ABCA13: variants seen among roughly 807,000 people sequenced by gnomAD.
The protein encoded by ABCA13 is ATP-binding cassette sub-family A member 13.
A neutral mutation model predicts 478.7 loss-of-function variants in ABCA13; 476 were observed. That is an observed-to-expected ratio of 0.99 (90% CI 0.92 to 1.07). The LOEUF is 1.07. Ranked by LOEUF, ABCA13 falls within the 50% of genes least tolerant of loss-of-function variation. The pLI, the probability that ABCA13 is intolerant of heterozygous loss-of-function variation, is 0.00. For missense variants in ABCA13, 6,060 were observed against 5,910.6 expected, an observed-to-expected ratio of 1.03 and a Z score of -0.83; for synonymous variants, 2,252 against 2,158.9, an observed-to-expected ratio of 1.04 and a Z score of -1.20.
intron 27 of ABCA13, among the ~76,000 whole-genome samples, chr7:48,322,313 G>A (rs891049126): frequency 6.6e-6 from 1 of 152,156 alleles, no homozygotes; most frequent in Non-Finnish European, 1.5e-5. Flanking sequence ...TGCTCAAGAT[G>A]GCAAAGTTTT....
chr7:48,353,767 C>T (rs1457358215), intron 31 of ABCA13, among the ~76,000 whole-genome samples: 1 of 151,910 alleles, frequency 6.6e-6, no homozygotes, highest in Non-Finnish European at 1.5e-5. Flanking sequence ...CTGAAGACCA[C>T]CTGATTGAAC....
At chr7:48,304,830 C>A (rs1800669387) in intron 23 of ABCA13, among the ~76,000 whole-genome samples, 1 of 152,222 alleles carries the variant, frequency 6.6e-6, no homozygotes, top group African/African-American at 2.4e-5. Context: ...GGCAAGGACA[C>A]CATTGGCACT....
At chr7:48,603,080 G>T (rs997001761) in intron 58 of ABCA13, among the ~76,000 whole-genome samples, 1 of 152,108 alleles carries the variant, frequency 6.6e-6, no homozygotes, top group Non-Finnish European at 1.5e-5. Flanking sequence ...CATTGATTTT[G>T]TATCCTGAGA....
intron 30 of ABCA13, among the ~76,000 whole-genome samples, chr7:48,351,839 G>T (rs1049920736): frequency 6.6e-6 from 1 of 152,290 alleles, no homozygotes. Flanking sequence ...CAAAGAGATG[G>T]ATTCTGCACA....
chr7:48,389,251 G>C (rs774895040), intron 37 of ABCA13, 31 bp downstream of exon 37: 1 of 1,576,140 alleles, frequency 6.3e-7, no homozygotes. Flanking sequence ...ATCAAACACT[G>C]GGCATTTGAT....
chr7:48,202,100 T>C (rs1798831316), intron 3 of ABCA13, among the ~76,000 whole-genome samples: 1 of 152,194 alleles, frequency 6.6e-6, no homozygotes. Flanking sequence ...AGTGTGGACC[T>C]AAACAGTGAG....
chr7:48,623,777 A>G (rs1327375262), intron 59 of ABCA13, among the ~76,000 whole-genome samples: 1 of 152,206 alleles, frequency 6.6e-6, no homozygotes, highest in African/African-American at 2.4e-5. Flanking sequence ...TCACCTGGCT[A>G]CAAAGAAGTC....
chr7:48,468,376 C>G (rs1353356564), intron 44 of ABCA13, among the ~76,000 whole-genome samples: 1 of 152,146 alleles, frequency 6.6e-6, no homozygotes, highest in Non-Finnish European at 1.5e-5. Context: ...CTTCTTCTAC[C>G]TTCCTGGATT....
At chr7:48,522,598 G>A (rs188598614) in intron 53 of ABCA13, among the ~76,000 whole-genome samples, 4 of 152,280 alleles carry the variant, frequency 2.6e-5, no homozygotes, top group East Asian at 3.9e-4. Flanking sequence ...TTCAGTTAGA[G>A]GATAACTAAG....
At chr7:48,601,383 C>T (rs1310379209) in intron 58 of ABCA13, among the ~76,000 whole-genome samples, 1 of 152,032 alleles carries the variant, frequency 6.6e-6, no homozygotes, top group Non-Finnish European at 1.5e-5. Flanking sequence ...ACCCAGCCTC[C>T]CACCCCCGCA....
At chr7:48,533,428 C>G (rs961258830) in intron 55 of ABCA13, among the ~76,000 whole-genome samples, 5 of 152,110 alleles carry the variant, frequency 3.3e-5, no homozygotes, top group African/African-American at 1.2e-4. Context: ...TATGGTCTAT[C>G]TTGGAGAATG....
At chr7:48,440,717 C>G (rs1394310688) in intron 42 of ABCA13, among the ~76,000 whole-genome samples, 1 of 151,440 alleles carries the variant, frequency 6.6e-6, no homozygotes, top group Non-Finnish European at 1.5e-5. Context: ...TATATATCCT[C>G]TATATAGGAT....
chr7:48,322,071 T>C (rs952694625), intron 27 of ABCA13, among the ~76,000 whole-genome samples: 8 of 152,226 alleles, frequency 5.3e-5, no homozygotes, highest in Admixed American at 1.3e-4. Context: ...GGGTAAAAAC[T>C]GGATCAGCTA....
chr7:48,219,621 T>C, intron 4 of ABCA13, 116 bp downstream of exon 4: 3 of 1,317,194 alleles, frequency 2.3e-6, no homozygotes, highest in Non-Finnish European at 3.1e-6. Context: ...TGCTAAACTT[T>C]CATAGTGAGT....
intron 55 of ABCA13, among the ~76,000 whole-genome samples, chr7:48,544,707 T>C (rs1359564915): frequency 6.6e-6 from 1 of 151,830 alleles, no homozygotes; most frequent in East Asian, 1.9e-4. Context: ...TGCAAATAAG[T>C]GTTTCCCTGA....
chr7:48,405,483 T>G (rs2129079207), intron 39 of ABCA13, among the ~76,000 whole-genome samples: 1 of 152,346 alleles, frequency 6.6e-6, no homozygotes, highest in Admixed American at 6.5e-5. Flanking sequence ...CATGGGATAC[T>G]GACCACCACT....
At chr7:48,486,736 G>A (rs1829342724) in intron 47 of ABCA13, among the ~76,000 whole-genome samples, 1 of 152,204 alleles carries the variant, frequency 6.6e-6, no homozygotes, top group Non-Finnish European at 1.5e-5. Flanking sequence ...TGCTAATGCA[G>A]ACTGGGCTGG....
intron 1 of ABCA13, among the ~76,000 whole-genome samples, chr7:48,182,745 T>C (rs1049787985): frequency 2.0e-5 from 3 of 152,178 alleles, no homozygotes; most frequent in Admixed American, 2.0e-4. Context: ...AAAATTCACT[T>C]GGGGAAGGAA....
chr7:48,237,465 G>GGT (rs1790142368), intron 8 of ABCA13, among the ~76,000 whole-genome samples: 1 of 152,184 alleles, frequency 6.6e-6, no homozygotes, highest in South Asian at 2.1e-4. Flanking sequence ...TGGTTAGCTT[G>GGT]GTATATGCCC....
Sources: allele counts gnomAD v4.1 joint callset (sites outside exome capture counted in the v4.1 genomes callset), GRCh38; gene constraint gnomAD v4.1.1; transcripts MANE v1.5; gene names NCBI Gene and HGNC (gene_info 2026-07-23, HGNC 2026-07-21).